The following IL34 variants were observed in gnomAD, a reference collection of about 807,000 sequenced individuals.
IL34 encodes interleukin 34, also known as interleukin-34.
In IL34, 17 loss-of-function variants were observed where a neutral mutation model predicts 25.3. The ratio of observed to expected loss-of-function variants is 0.67; its 90% CI spans 0.46 to 1.01. The LOEUF is 1.01. IL34 is among the 50% of genes least tolerant of loss of function. IL34 has a pLI of 0.00. For synonymous variants in IL34, 174 were observed against 140.9 expected (o/e 1.23, Z -1.66); for missense variants, 368 against 312.9 (o/e 1.18, Z -1.33).
intron 1 of IL34, among the ~76,000 whole-genome samples, chr16:70,652,506 C>T (rs1200680410): frequency 6.6e-6 from 1 of 152,186 alleles, no homozygotes; most frequent in Non-Finnish European, 1.5e-5. Flanking sequence ...GGTAGTCATG[C>T]TATGAACACA....
intron 1 of IL34, among the ~76,000 whole-genome samples, chr16:70,626,461 A>G (rs2051395848): frequency 6.6e-6 from 1 of 152,130 alleles, no homozygotes; most frequent in African/African-American, 2.4e-5. Context: ...GAATGGTGCA[A>G]TCCTGGCTCA....
chr16:70,589,089 C>T (rs1017672766), intron 1 of IL34, among the ~76,000 whole-genome samples: 32 of 151,984 alleles, frequency 2.1e-4, no homozygotes, highest in African/African-American at 7.0e-4. Context: ...CCCAGCTACT[C>T]AGGAGGCTGA....
rs1597782972 is a variant in IL34 at position 70,657,138 on chromosome 16, A to G, written c.402+17A>G. On this transcript the variant is annotated intron_variant, in intron 4 of 5. Coordinates refer to ENST00000288098, the MANE Select transcript of IL34 (RefSeq NM_001393494.1). The stretch of plus-strand genomic sequence containing the variant: ...GGCCTCACGGTGAGTTGTGTGGAGG[A>G]GTGGCAGGTGGGGTGTGTGTGTGTG... 1 of 1,609,922 alleles carries G rather than the reference A, an allele frequency of 6.2e-7. No homozygotes were observed. Among genetic ancestry groups the G allele is most frequent in the Non-Finnish European group, 8.5e-7 (1 of 1,178,532 alleles).
chr16:70,605,107 G>A (rs532150288), intron 1 of IL34, among the ~76,000 whole-genome samples: 1 of 152,220 alleles, frequency 6.6e-6, no homozygotes, highest in East Asian at 1.9e-4. Flanking sequence ...AGGGAGAGAG[G>A]TGGGGACTGC....
chr16:70,625,114 T>C (rs939366287), intron 1 of IL34, among the ~76,000 whole-genome samples: 15 of 152,130 alleles, frequency 9.9e-5, no homozygotes, highest in Admixed American at 6.5e-4. Context: ...TGAGTTTGTA[T>C]TGGGGTCAAG....
rs534468799 is a variant in IL34 at position 70,633,893 on chromosome 16, C to T, written c.-400-12655C>T. Among the ~76,000 whole-genome samples the T allele has an allele frequency of 4.6e-5, 7 of 152,118 alleles. No individual in the cohort carries two copies. In the South Asian group the frequency reaches 1.5e-3, roughly 32 times the overall value. On this transcript the variant is annotated intron_variant, in intron 1 of 6. Transcript: ENST00000429149. Reference sequence around the variant, plus strand: ...TGAGACAGAGTCTCGCATTGTCGCCCAGGCTGGAGTGCGGTGGCGTGATCT... The same window carrying T: ...TGAGACAGAGTCTCGCATTGTCGCCTAGGCTGGAGTGCGGTGGCGTGATCT...
At chr16:70,627,537 A>C (rs1244080342) in intron 1 of IL34, among the ~76,000 whole-genome samples, 1 of 149,656 alleles carries the variant, frequency 6.7e-6, no homozygotes, top group African/African-American at 2.5e-5. Flanking sequence ...GCTAGAGCAC[A>C]GTGGTGCTAT....
chr16:70,598,982 C>T (rs1353965730), intron 1 of IL34, among the ~76,000 whole-genome samples: 1 of 152,138 alleles, frequency 6.6e-6, no homozygotes, highest in Non-Finnish European at 1.5e-5. Flanking sequence ...AAGAGTCCAT[C>T]CGGTTATAGA....
At chr16:70,615,500 C>T (rs978444974) in intron 1 of IL34, among the ~76,000 whole-genome samples, 14 of 151,492 alleles carry the variant, frequency 9.2e-5, no homozygotes, top group South Asian at 2.1e-4. Flanking sequence ...AGCAAGACTC[C>T]GTCTCAAAAT....
chr16:70,660,114 C>T lies in IL34; in HGVS notation c.656C>T (p.Ser219Phe), dbSNP rs749242332. ...ATQLYPPPPW[S>F]PSSPPHSTGS... Reference sequence around the variant, plus strand: ...CAGCTGTACCCTCCGCCCCCGTGGTCCCCCAGCTCCCCGCCTCACTCCACG... The same window carrying T: ...CAGCTGTACCCTCCGCCCCCGTGGTTCCCCAGCTCCCCGCCTCACTCCACG... The change falls in exon 6 of 6, where the codon TCC (serine) becomes TTC (phenylalanine). Residue 219 changes from serine (S) to phenylalanine (F), a missense_variant. By Grantham distance (155) the Ser-to-Phe change is radical. Transcript: ENST00000288098. The T allele has an allele frequency of 1.2e-6, 2 of 1,613,148 alleles. No individual in the cohort carries two copies. Among genetic ancestry groups the T allele is most frequent in the South Asian group, 1.1e-5 (1 of 91,010 alleles).
intron 1 of IL34, among the ~76,000 whole-genome samples, chr16:70,592,900 G>A (rs533388799): frequency 3.9e-5 from 6 of 152,122 alleles, no homozygotes; most frequent in South Asian, 2.1e-4. Flanking sequence ...TGATCTGCCC[G>A]CCTCGGCCTC....
At chr16:70,600,701 T>G (rs552105916) in intron 1 of IL34, among the ~76,000 whole-genome samples, 1 of 152,322 alleles carries the variant, frequency 6.6e-6, no homozygotes, top group East Asian at 1.9e-4. Flanking sequence ...CTTGACGAAA[T>G]GAGGTGTAAC....
chr16:70,637,111 C>T (rs971521536), intron 1 of IL34, among the ~76,000 whole-genome samples: 23 of 152,058 alleles, frequency 1.5e-4, no homozygotes, highest in African/African-American at 5.3e-4. Context: ...CTGCCTGCCT[C>T]GGCCTCTCAA....
At chr16:70,621,491 G>A (rs902476572) in intron 1 of IL34, among the ~76,000 whole-genome samples, 1 of 151,988 alleles carries the variant, frequency 6.6e-6, no homozygotes, top group African/African-American at 2.4e-5. Context: ...GATATTCCTT[G>A]GGCTGGTCGG....
intron 1 of IL34, among the ~76,000 whole-genome samples, chr16:70,625,685 G>T (rs996036739): frequency 1.3e-5 from 2 of 152,164 alleles, no homozygotes; most frequent in Non-Finnish European, 2.9e-5. Context: ...TTCCCAGTCC[G>T]TGACAGGCGC....
chr16:70,594,572 C>G (rs1203560208), intron 1 of IL34, among the ~76,000 whole-genome samples: 4 of 152,166 alleles, frequency 2.6e-5, no homozygotes, highest in African/African-American at 9.7e-5. Context: ...TGTGTATATT[C>G]AAGCTCTAAT....
chr16:70,649,111 A>G (rs1179505555), intron 1 of IL34, among the ~76,000 whole-genome samples: 1 of 152,114 alleles, frequency 6.6e-6, no homozygotes, highest in Non-Finnish European at 1.5e-5. Flanking sequence ...CGAGCCCCCA[A>G]GGGGGCTTAG....
chr16:70,585,826 C>T (rs1402631572), intron 1 of IL34, among the ~76,000 whole-genome samples: 5 of 150,954 alleles, frequency 3.3e-5, no homozygotes, highest in Admixed American at 2.0e-4. Context: ...GCCACTGCAT[C>T]CAGCCTCCTT....
upstream of IL34, among the ~76,000 whole-genome samples, chr16:70,644,992 G>A (rs2051888167): frequency 6.7e-6 from 1 of 148,182 alleles, no homozygotes; most frequent in Non-Finnish European, 1.5e-5. Context: ...GTAGGAGGAA[G>A]GAGGAAGAAG....
Sources: gnomAD v4.1 joint callset for allele counts (sites outside exome capture counted in the v4.1 genomes callset) on GRCh38, gnomAD v4.1.1 for gene constraint, MANE v1.5 for transcripts, NCBI Gene and HGNC (gene_info 2026-07-23, HGNC 2026-07-21) for gene names.